ZBTB6: variants seen among roughly 807,000 people sequenced by gnomAD.
The protein encoded by ZBTB6 is zinc finger and BTB domain-containing protein 6.
Under a neutral mutation model 30.6 loss-of-function variants are expected in ZBTB6, and 11 were observed. The ratio of observed to expected loss-of-function variants is 0.36; its 90% CI spans 0.23 to 0.60. The LOEUF (loss-of-function observed/expected upper bound fraction) is 0.60. ZBTB6 is among the 20% of genes least tolerant of loss of function. The pLI is 0.75. For synonymous variants in ZBTB6, 174 were observed against 172.0 expected (o/e 1.01, Z -0.09); for missense variants, 380 against 489.4 (o/e 0.78, Z 2.11).
chr9:122,911,120 C>T lies in ZBTB6; in HGVS notation c.953G>A (p.Arg318His), dbSNP rs1279380292. 11 of 1,614,048 alleles carry T rather than the reference C, an allele frequency of 6.8e-6. No homozygotes were observed. Among genetic ancestry groups the T allele is most frequent in the Admixed American group, 1.7e-5 (1 of 59,998 alleles). ...RGFLHVENYL[R>H]HLKMHKLFLC... Reference sequence around the variant, plus strand: ...GAATAGTTTATGCATTTTAAGGTGGCGCAGATAGTTTTCAACATGAAGAAA... The same window carrying T: ...GAATAGTTTATGCATTTTAAGGTGGTGCAGATAGTTTTCAACATGAAGAAA... Residue 318 changes from arginine to histidine, a missense_variant, in exon 2 of 2, where the codon CGC becomes CAC. By Grantham distance (29) the Arg-to-His change is conservative. Transcript: ENST00000373659. This position sits in a 1 kb window ranked among gnomAD's most constrained non-coding sequence, Gnocchi z 4.5.
chr9:122,911,923 A>T lies in ZBTB6; in HGVS notation c.150T>A (p.Ile50=). The part of the protein sequence containing the change: ...NDTEFQGHKV[I]LAACSTFMRD... ...TCATAAAAGTGGAGCAAGCAGCCAA[A>T]ATCACCTTGTGCCCCTGGAACTCAG... Residue 50 remains isoleucine (I), a synonymous_variant, in exon 2 of 2, where the codon ATT becomes ATA. Coordinates refer to ENST00000373659, the MANE Select transcript of ZBTB6 (RefSeq NM_006626.6). This position sits in a 1 kb window ranked among gnomAD's most constrained non-coding sequence, Gnocchi z 4.5. 1.2e-6 allele frequency: 2 copies of T among 1,614,216 alleles called. No individual in the cohort carries two copies. The highest frequency in any genetic ancestry group is 1.7e-6 in the Non-Finnish European group (2 of 1,180,036).
In ZBTB6 at chr9:122,909,649, A is replaced by G. The variant is rs1832934231; in HGVS notation, c.*1149T>C. The G allele has an allele frequency of 6.6e-6, 1 of 152,246 alleles. No homozygotes were observed. Among genetic ancestry groups the G allele is most frequent in the Non-Finnish European group, 1.5e-5 (1 of 68,036 alleles). The allele number at this position is 152,246 out of a possible 1,614,324, so 9.4% of individuals were successfully genotyped here. A position where few individuals can be genotyped will look rare whatever the true frequency, so the allele number is the denominator to read the frequency against. On this transcript the variant is annotated 3_prime_UTR_variant, in exon 2 of 2. Coordinates refer to ENST00000373659, the MANE Select transcript of ZBTB6 (RefSeq NM_006626.6). Reference sequence around the variant, plus strand: ...AACACTAATAGCTACACCTTTTTAAATTGCTCATCTAGTAACAGCTAGAAT... The same window carrying G: ...AACACTAATAGCTACACCTTTTTAAGTTGCTCATCTAGTAACAGCTAGAAT...
At chr9:122,913,011 CGAGCTCAGGGGCCCACACAGAGCAGGAG>C (rs1832969186) in intron 1 of ZBTB6, among the ~76,000 whole-genome samples, 2 of 152,210 alleles carry the variant, frequency 1.3e-5, no homozygotes, top group Admixed American at 6.5e-5. Context: ...GTTCCTGCAC[CGAGCTCAGGGGCCCACACAGAGCAGGAG>C]GAGCTCAGGG....
In ZBTB6 at chr9:122,908,365, G is replaced by A. The variant is rs1390440557; in HGVS notation, c.*2433C>T. ...ATCATGCAAACAGACACTCTCCTAG[G>A]AATGTTTGGAGATCATTCCGTGCTA... On this transcript the variant is annotated 3_prime_UTR_variant, in exon 2 of 2. Transcript: ENST00000373659. The A allele has an allele frequency of 6.6e-6, 1 of 152,418 alleles. No homozygotes were observed. Among genetic ancestry groups the A allele is most frequent in the Admixed American group, 6.6e-5 (1 of 15,260 alleles). The allele number at this position is 152,418 out of a possible 1,614,324, so 9.4% of individuals were successfully genotyped here.
chr9:122,909,926 ATCTT>A lies in ZBTB6; in HGVS notation c.*868_*871del, dbSNP rs1299189529. ...TACCGACTGCAGTAGTGGTGCACAA[ATCTT>A]TCTGTTAAAATTCACAGAACTATAC... On this transcript the variant is annotated 3_prime_UTR_variant, in exon 2 of 2. Coordinates refer to ENST00000373659, the MANE Select transcript of ZBTB6 (RefSeq NM_006626.6). 1.3e-5 allele frequency: 2 copies of A among 152,194 alleles called. No individual in the cohort carries two copies. The highest frequency in any genetic ancestry group is 2.4e-5 in the African/African-American group (1 of 41,454). The allele number at this position is 152,194 out of a possible 1,614,324, so 9.4% of individuals were successfully genotyped here.
Position 122,910,680 on chromosome 9 carries a change from C to T in ZBTB6, c.*118G>A. 1 of 1,071,080 alleles carries T rather than the reference C, an allele frequency of 9.3e-7. No individual in the cohort carries two copies. The highest frequency in any genetic ancestry group is 1.3e-6 in the Non-Finnish European group (1 of 762,304). The allele number at this position is 1,071,080 out of a possible 1,614,324, so 66.3% of individuals were successfully genotyped here. ...TTCAGAAAGAATGATTATGTGTAAGCCGACAAAATATAAGAAACAAAGATT... is the reference window on the plus strand; with the variant it reads ...TTCAGAAAGAATGATTATGTGTAAGTCGACAAAATATAAGAAACAAAGATT... On this transcript the variant is annotated 3_prime_UTR_variant, in exon 2 of 2. Coordinates refer to ENST00000373659, the MANE Select transcript of ZBTB6 (RefSeq NM_006626.6).
chr9:122,913,282 G>C lies in ZBTB6; in HGVS notation c.-41C>G. On this transcript the variant is annotated 5_prime_UTR_variant, in exon 1 of 2. Transcript: ENST00000373659. ...AGAAAACTAGAGTCAAGGATTCCGCGGCAGCGTCTGCCCAAGCCGGAAGAT... is the reference window on the plus strand; with the variant it reads ...AGAAAACTAGAGTCAAGGATTCCGCCGCAGCGTCTGCCCAAGCCGGAAGAT... 1.0e-6 allele frequency: 1 copy of C among 985,894 alleles called. No individual in the cohort carries two copies. Among genetic ancestry groups the C allele is most frequent in the Non-Finnish European group, 1.2e-6 (1 of 829,992 alleles). 61.1% of individuals were successfully genotyped at this position (985,894 alleles called of 1,614,324 possible).
chr9:122,909,282 G>A lies in ZBTB6; in HGVS notation c.*1516C>T, dbSNP rs187929166. The A allele has an allele frequency of 1.3e-5, 2 of 152,156 alleles. No homozygotes were observed. Among genetic ancestry groups the A allele is most frequent in the Non-Finnish European group, 2.9e-5 (2 of 68,018 alleles). 9.4% of individuals were successfully genotyped at this position (152,156 alleles called of 1,614,324 possible). A position where few individuals can be genotyped will look rare whatever the true frequency, so the allele number is the denominator to read the frequency against. On this transcript the variant is annotated 3_prime_UTR_variant, in exon 2 of 2. Transcript: ENST00000373659. Reference sequence around the variant, plus strand: ...AAATACAGTAGAAATTCTACATAAAGCTAAGTTAACTAGAGGAGGACTAGA... The same window carrying A: ...AAATACAGTAGAAATTCTACATAAAACTAAGTTAACTAGAGGAGGACTAGA...
chr9:122,911,445 T>A lies in ZBTB6; in HGVS notation c.628A>T (p.Ile210Leu). 11 of 1,614,226 alleles carry A rather than the reference T, an allele frequency of 6.8e-6. No homozygotes were observed. Among genetic ancestry groups the A allele is most frequent in the Non-Finnish European group, 9.3e-6 (11 of 1,180,044 alleles). ...MKSPELSTVD[I>L]GFKDNEICIL... ...CAAATTTCATTGTCTTTAAAACCTA[T>A]GTCTACTGTAGACAGCTCTGGTGAC... The change falls in exon 2 of 2, where the codon ATA becomes TTA. Residue 210 changes from isoleucine to leucine, a missense_variant. Ile to Leu is a conservative substitution (Grantham distance 5). Transcript: ENST00000373659. The surrounding 1 kb of genome is among the most constrained non-coding windows in gnomAD (Gnocchi z 4.5).
chr9:122,912,560 T>C (rs1832963516), intron 1 of ZBTB6, among the ~76,000 whole-genome samples: 1 of 152,176 alleles, frequency 6.6e-6, no homozygotes, highest in African/African-American at 2.4e-5. Flanking sequence ...AGGTCTTCTT[T>C]ATACCACACT....
rs368505549 is a variant in ZBTB6 at position 122,909,094 on chromosome 9, C to G, written c.*1704G>C. On this transcript the variant is annotated 3_prime_UTR_variant, in exon 2 of 2. Transcript: ENST00000373659. The stretch of plus-strand genomic sequence containing the variant: ...AAACGAGACCTGCATTCTTGAAAGT[C>G]TCAAGGAAAGTTAAAATTCAGTGGA... 1 of 152,116 alleles carries G rather than the reference C, an allele frequency of 6.6e-6. No homozygotes were observed. Among genetic ancestry groups the G allele is most frequent in the Non-Finnish European group, 1.5e-5 (1 of 68,016 alleles). 9.4% of individuals were successfully genotyped at this position (152,116 alleles called of 1,614,324 possible).
Position 122,911,613 on chromosome 9 carries a change from C to T in ZBTB6, c.460G>A (p.Asp154Asn). 6.2e-7 allele frequency: 1 copy of T among 1,613,470 alleles called. No individual in the cohort carries two copies. The highest frequency in any genetic ancestry group is 1.1e-5 in the South Asian group (1 of 91,078). The change falls in exon 2 of 2, where the codon GAT becomes AAT. Residue 154 changes from aspartate (D) to asparagine (N), a missense_variant. Physicochemically the swap from Asp to Asn is conservative, Grantham distance 23. Coordinates refer to ENST00000373659, the MANE Select transcript of ZBTB6 (RefSeq NM_006626.6). This position sits in a 1 kb window ranked among gnomAD's most constrained non-coding sequence, Gnocchi z 4.5. ...TCACAGTCTTTATCAGAATTTTCAT[C>T]TTCATTCTTAACATCAGGATCAGAA... ...QSSDPDVKNE[D>N]ENSDKDCEII...
Position 122,908,124 on chromosome 9 carries a change from G to C in ZBTB6, c.*2674C>G, listed in dbSNP as rs1340849898. 1 of 152,142 alleles carries C rather than the reference G, an allele frequency of 6.6e-6. No homozygotes were observed. 9.4% of individuals were successfully genotyped at this position (152,142 alleles called of 1,614,324 possible). ...AGATAGTTACATCCCAGGAAAAAGG[G>C]CAAGTGTTTTTCTCTGACAACGAAG... On this transcript the variant is annotated 3_prime_UTR_variant, in exon 2 of 2. Transcript: ENST00000373659.
In ZBTB6 at chr9:122,911,924, A is replaced by T; in HGVS notation, c.149T>A (p.Ile50Asn). The change falls in exon 2 of 2, where the codon ATT becomes AAT. Residue 50 changes from isoleucine to asparagine, a missense_variant. Transcript: ENST00000373659. This position sits in a 1 kb window ranked among gnomAD's most constrained non-coding sequence, Gnocchi z 4.5. ...NDTEFQGHKV[I>N]LAACSTFMRD... is the part of the protein sequence containing the mutation. ...CATAAAAGTGGAGCAAGCAGCCAAA[A>T]TCACCTTGTGCCCCTGGAACTCAGT... The T allele has an allele frequency of 6.2e-7, 1 of 1,614,240 alleles. No homozygotes were observed. The highest frequency in any genetic ancestry group is 8.5e-7 in the Non-Finnish European group (1 of 1,180,042).
rs116206998 is a variant in ZBTB6 at position 122,909,812 on chromosome 9, C to T, written c.*986G>A. 902 of 152,126 alleles carry T rather than the reference C, an allele frequency of 5.9e-3. 14 individuals carry two copies. Among genetic ancestry groups the T allele is most frequent in the Middle Eastern group, 0.017 (5 of 294 alleles). The allele number at this position is 152,126 out of a possible 1,614,324, so 9.4% of individuals were successfully genotyped here. On this transcript the variant is annotated 3_prime_UTR_variant, in exon 2 of 2. Coordinates refer to ENST00000373659, the MANE Select transcript of ZBTB6 (RefSeq NM_006626.6). ...TCCAGAAAAGGCAAAATAATAGTGA[C>T]GGAGAACTGTTGCCAGGATTAGAGC...
chr9:122,911,400 T>G lies in ZBTB6; in HGVS notation c.673A>C (p.Ile225Leu). The G allele has an allele frequency of 1.2e-6, 2 of 1,614,172 alleles. No homozygotes were observed. The highest frequency in any genetic ancestry group is 1.7e-6 in the Non-Finnish European group (2 of 1,180,036). Residue 225 changes from isoleucine to leucine, a missense_variant, in exon 2 of 2, where the codon ATC becomes CTC. Coordinates refer to ENST00000373659, the MANE Select transcript of ZBTB6 (RefSeq NM_006626.6). The surrounding 1 kb of genome is among the most constrained non-coding windows in gnomAD (Gnocchi z 4.5). ...CCATTTTCGACACCAGCTGTACTGA[T>G]GGATTCTACATGAAGGATACAAATT... ...NEICILHVES[I>L]STAGVENGQF...
intron 1 of ZBTB6, among the ~76,000 whole-genome samples, 194 bp downstream of exon 1, chr9:122,913,057 G>A (rs1832969730): frequency 6.6e-6 from 1 of 152,230 alleles, no homozygotes; most frequent in African/African-American, 2.4e-5. Flanking sequence ...GGGAACATCT[G>A]CTGAACTGAA....
chr9:122,913,154 G>A (rs548112344), intron 1 of ZBTB6, 97 bp downstream of exon 1: 34 of 704,296 alleles, frequency 4.8e-5, no homozygotes, highest in Non-Finnish European at 5.4e-5. Context: ...TGCAGCACAA[G>A]ATTAGCCACT....
chr9:122,911,089 G>A lies in ZBTB6; in HGVS notation c.984C>T (p.Cys328=). The A allele has an allele frequency of 2.5e-6, 4 of 1,614,198 alleles. No homozygotes were observed. The highest frequency in any genetic ancestry group is 3.4e-6 in the Non-Finnish European group (4 of 1,180,038). The change falls in exon 2 of 2, where the codon TGC becomes TGT. Residue 328 remains cysteine (C), a synonymous_variant. Coordinates refer to ENST00000373659, the MANE Select transcript of ZBTB6 (RefSeq NM_006626.6). This position sits in a 1 kb window ranked among gnomAD's most constrained non-coding sequence, Gnocchi z 4.5. The part of the protein sequence containing the change: ...RHLKMHKLFL[C]LQCGKTFTQK... ...GTGTAAATGTTTTTCCGCACTGTAA[G>A]CATAAGAATAGTTTATGCATTTTAA...
Sources: gnomAD v4.1 joint callset for allele counts (sites outside exome capture counted in the v4.1 genomes callset) on GRCh38, gnomAD v4.1.1 for gene constraint, Gnocchi (gnomAD v3.1) non-coding constraint, MANE v1.5 for transcripts, NCBI Gene and HGNC (gene_info 2026-07-23, HGNC 2026-07-21) for gene names.